Variants in ESR1 observed in about 807,000 individuals in gnomAD.
ESR1 encodes estrogen receptor.
A neutral mutation model predicts 52.7 loss-of-function variants in ESR1; 12 were observed. The observed-to-expected ratio is 0.23, with a 90% CI of 0.15 to 0.37. The LOEUF is 0.37. Ranked by LOEUF, ESR1 falls within the 10% of genes least tolerant of loss-of-function variation. The pLI, the probability that ESR1 is intolerant of heterozygous loss-of-function variation, is 1.00. For missense variants in ESR1, 584 were observed against 779.7 expected, an observed-to-expected ratio of 0.75 and a Z score of 2.99; for synonymous variants, 305 against 316.8, an observed-to-expected ratio of 0.96 and a Z score of 0.39.
intron 2 of ESR1, among the ~76,000 whole-genome samples, chr6:151,755,234 C>T (rs1583139684): frequency 6.7e-6 from 1 of 148,382 alleles, no homozygotes; most frequent in African/African-American, 2.6e-5. Context: ...AAAACCAAAA[C>T]CAAAACCAAA....
chr6:152,017,927 T>G (rs1486691938), intron 5 of ESR1, among the ~76,000 whole-genome samples: 1 of 152,124 alleles, frequency 6.6e-6, no homozygotes, highest in African/African-American at 2.4e-5. Flanking sequence ...GACTCCTATT[T>G]ACTCTCAGAG....
At chr6:151,907,158 A>C (rs1272833653) in intron 3 of ESR1, among the ~76,000 whole-genome samples, 1 of 152,152 alleles carries the variant, frequency 6.6e-6, no homozygotes, top group Non-Finnish European at 1.5e-5. Context: ...AATTACTTTG[A>C]CTTTATAATC....
At chr6:152,049,457 T>C (rs746692606) in intron 5 of ESR1, among the ~76,000 whole-genome samples, 3 of 152,172 alleles carry the variant, frequency 2.0e-5, no homozygotes, top group Non-Finnish European at 2.9e-5. Context: ...AGAAAGACAA[T>C]TGGACATCAT....
intron 2 of ESR1, among the ~76,000 whole-genome samples, chr6:151,853,708 T>C (rs556597382): frequency 3.9e-4 from 59 of 152,320 alleles, no homozygotes; most frequent in African/African-American, 1.4e-3. Flanking sequence ...TTTTAATCGC[T>C]GGTGTTTTTT....
At chr6:151,883,997 T>C (rs886615380) in intron 3 of ESR1, among the ~76,000 whole-genome samples, 6 of 152,054 alleles carry the variant, frequency 3.9e-5, no homozygotes, top group African/African-American at 9.7e-5. Flanking sequence ...GGGGGTAAGA[T>C]TTCAACATAT....
chr6:151,915,991 A>G (rs919812556), intron 3 of ESR1, among the ~76,000 whole-genome samples: 4 of 152,316 alleles, frequency 2.6e-5, no homozygotes, highest in African/African-American at 7.2e-5. Flanking sequence ...GATATTTTCA[A>G]TACAATTTCA....
At chr6:151,686,693 C>A (rs1356959516), upstream of ESR1, among the ~76,000 whole-genome samples, 2 of 80,260 alleles carry the variant, frequency 2.5e-5, no homozygotes, top group Non-Finnish European at 4.3e-5. Context: ...ATCTCAAAAC[C>A]AACCAACCAA....
Position 151,675,146 on chromosome 6 carries a change from T to G in ESR1, n.73+18383T>G, listed in dbSNP as rs375665260. Among the ~76,000 whole-genome samples, 59 of 152,344 alleles carry G rather than the reference T, an allele frequency of 3.9e-4. No individual in the cohort carries two copies. The South Asian group carries it at 0.012, about 31-fold the overall frequency. The stretch of plus-strand genomic sequence containing the variant: ...GTACAATATTAGAAGCAAGTGCTGT[T>G]ATATTGCCAGACTATATAAAATAAC... On this transcript the variant is annotated intron_variant and non_coding_transcript_variant, in intron 1 of 2. Coordinates refer to the ESR1 transcript ENST00000473497.
intron 3 of ESR1, among the ~76,000 whole-genome samples, chr6:151,898,148 G>A (rs1795837949): frequency 6.6e-6 from 1 of 152,226 alleles, no homozygotes; most frequent in East Asian, 1.9e-4. Flanking sequence ...CTTAACTTTA[G>A]ATAACCTTAT....
At chr6:151,913,108 TAATAA>T (rs896610163) in intron 3 of ESR1, among the ~76,000 whole-genome samples, 7 of 151,940 alleles carry the variant, frequency 4.6e-5, no homozygotes, top group African/African-American at 1.7e-4. Context: ...AAATAAAAAA[TAATAA>T]AATAAAATAA....
intron 4 of ESR1, among the ~76,000 whole-genome samples, chr6:151,949,789 C>T (rs752096738): frequency 2.6e-5 from 4 of 152,242 alleles, no homozygotes; most frequent in Non-Finnish European, 5.9e-5. Flanking sequence ...AACTTTGAAG[C>T]CTCATAGATG....
At chr6:152,012,628 G>C (rs528809484) in intron 5 of ESR1, among the ~76,000 whole-genome samples, 1 of 152,270 alleles carries the variant, frequency 6.6e-6, no homozygotes, top group South Asian at 2.1e-4. Flanking sequence ...TTCTGGCTCC[G>C]GTATGCTCTG....
intron 1 of ESR1, among the ~76,000 whole-genome samples, chr6:151,682,896 TA>T (rs1423115425): frequency 1.3e-5 from 2 of 152,244 alleles, no homozygotes; most frequent in African/African-American, 2.4e-5. Context: ...ACAAAAATTT[TA>T]TGAAATAGAA....
chr6:152,029,207 A>C (rs916626978), intron 5 of ESR1, among the ~76,000 whole-genome samples: 28 of 152,328 alleles, frequency 1.8e-4, no homozygotes, highest in Non-Finnish European at 3.5e-4. Context: ...AGAGTAGAAA[A>C]ACAGAAAGTT....
chr6:151,798,074 C>T (rs989269253), intron 2 of ESR1, among the ~76,000 whole-genome samples: 1 of 152,034 alleles, frequency 6.6e-6, no homozygotes, highest in Non-Finnish European at 1.5e-5. Context: ...GGTACACTGC[C>T]GAAAGCGAGG....
At chr6:151,982,738 ATATAT>A (rs1210697160) in intron 4 of ESR1, among the ~76,000 whole-genome samples, 1 of 151,972 alleles carries the variant, frequency 6.6e-6, no homozygotes, top group African/African-American at 2.4e-5. Flanking sequence ...AATTTTAATA[ATATAT>A]TCATTTAGTC....
Position 151,931,458 on chromosome 6 carries a change from T to C in ESR1, c.761-12715T>C, listed in dbSNP as rs565161327. On this transcript the variant is annotated intron_variant, in intron 3 of 7. Transcript: ENST00000206249. Reference sequence around the variant, plus strand: ...TTTCCATTAGAGCCCTCAAACTCTTTTTTTTTATTATACTTTAAGTTTTAG... The same window carrying C: ...TTTCCATTAGAGCCCTCAAACTCTTCTTTTTTATTATACTTTAAGTTTTAG... 2.4e-3 allele frequency among the ~76,000 whole-genome samples: 364 copies of C among 152,322 alleles called. 1 individual carries two copies. Among genetic ancestry groups the C allele is most frequent in the Non-Finnish European group, 3.7e-3 (253 of 68,022 alleles).
intron 1 of ESR1, among the ~76,000 whole-genome samples, chr6:151,672,808 G>A (rs763528902): frequency 7.5e-5 from 11 of 147,380 alleles, no homozygotes; most frequent in Non-Finnish European, 1.5e-4. Flanking sequence ...AACATTCTTT[G>A]TGCTCAAATT....
chr6:151,915,466 C>G (rs1467616607), intron 3 of ESR1, among the ~76,000 whole-genome samples: 2 of 152,192 alleles, frequency 1.3e-5, no homozygotes, highest in African/African-American at 4.8e-5. Context: ...ACCATAACTT[C>G]TGACTTCTGA....
Sources: gnomAD v4.1 joint callset for allele counts (sites outside exome capture counted in the v4.1 genomes callset) on GRCh38, gnomAD v4.1.1 for gene constraint, MANE v1.5 for transcripts, NCBI Gene and HGNC (gene_info 2026-07-23, HGNC 2026-07-21) for gene names.